SGCZ: variants seen among roughly 807,000 people sequenced by gnomAD.
SGCZ encodes sarcoglycan zeta.
Under a neutral mutation model 41.3 loss-of-function variants are expected in SGCZ, and 40 were observed. The observed-to-expected ratio is 0.97, with a 90% confidence interval of 0.75 to 1.26. SGCZ has a LOEUF of 1.26. SGCZ is among the 50% of genes most tolerant of loss of function. SGCZ has a pLI of 0.00. For missense variants in SGCZ, 552 were observed against 369.8 expected, an observed-to-expected ratio of 1.49 and a Z score of -4.04; for synonymous variants, 206 against 137.5, an observed-to-expected ratio of 1.50 and a Z score of -3.49.
At chr8:14,096,913 T>C (rs1405206052) in intron 7 of SGCZ, among the ~76,000 whole-genome samples, 1 of 152,146 alleles carries the variant, frequency 6.6e-6, no homozygotes, top group Non-Finnish European at 1.5e-5. Flanking sequence ...TATTATTCTC[T>C]AGTAGTTTGT....
At chr8:14,186,093 C>A (rs751237641) in intron 4 of SGCZ, among the ~76,000 whole-genome samples, 8 of 152,156 alleles carry the variant, frequency 5.3e-5, no homozygotes, top group Non-Finnish European at 8.8e-5. Context: ...GGCCACAGGG[C>A]TCCCCAGTAA....
chr8:14,657,298 G>A (rs1003646032), intron 1 of SGCZ, among the ~76,000 whole-genome samples: 3 of 151,984 alleles, frequency 2.0e-5, no homozygotes, highest in African/African-American at 7.3e-5. Flanking sequence ...CATGTACACT[G>A]ACAGTGAGAA....
Position 14,087,322 on chromosome 8 carries a change from T to C in SGCZ, c.*3121A>G, listed in dbSNP as rs1313886780. Among the ~76,000 whole-genome samples, 1 of 151,618 alleles carries C rather than the reference T, an allele frequency of 6.6e-6. No homozygotes were observed. Among genetic ancestry groups the C allele is most frequent in the Non-Finnish European group, 1.5e-5 (1 of 67,716 alleles). On this transcript the variant is annotated 3_prime_UTR_variant, in exon 8 of 8. Transcript: ENST00000382080. ...TTCTTGCTGTTTTTTTTTGAAGTAT[T>C]TAATTGAAATCTTCTGAAAAAGAAA...
chr8:14,331,349 T>A (rs1222917934), intron 2 of SGCZ, among the ~76,000 whole-genome samples: 1 of 152,130 alleles, frequency 6.6e-6, no homozygotes, highest in East Asian at 1.9e-4. Context: ...CTCTTTAATA[T>A]ACCTAAGCAA....
intron 1 of SGCZ, among the ~76,000 whole-genome samples, chr8:15,104,246 C>A (rs1226645140): frequency 6.6e-6 from 1 of 152,128 alleles, no homozygotes; most frequent in Admixed American, 6.5e-5. Context: ...TCCATCTAAG[C>A]TACCCAGCAG....
chr8:14,951,789 T>A (rs972073260), intron 1 of SGCZ, among the ~76,000 whole-genome samples: 1 of 152,068 alleles, frequency 6.6e-6, no homozygotes, highest in Non-Finnish European at 1.5e-5. Flanking sequence ...TGTGATCAGA[T>A]CAATGGCATA....
intron 1 of SGCZ, among the ~76,000 whole-genome samples, chr8:14,650,515 C>G (rs1372317730): frequency 6.6e-6 from 1 of 151,910 alleles, no homozygotes; most frequent in Non-Finnish European, 1.5e-5. Flanking sequence ...CCACCCCTGA[C>G]CCTAAGGTAG....
chr8:14,729,434 T>C (rs1810161204), intron 1 of SGCZ, among the ~76,000 whole-genome samples: 1 of 152,196 alleles, frequency 6.6e-6, no homozygotes, highest in South Asian at 2.1e-4. Flanking sequence ...TTTAAAGAGG[T>C]AATTAAGGTT....
chr8:14,427,070 G>T (rs979440789), intron 2 of SGCZ, among the ~76,000 whole-genome samples: 1 of 150,558 alleles, frequency 6.6e-6, no homozygotes, highest in African/African-American at 2.5e-5. Context: ...ATGAATGAGT[G>T]AATGAACGAA....
intron 2 of SGCZ, among the ~76,000 whole-genome samples, chr8:14,511,889 A>G (rs28572496): frequency 0.062 from 9,412 of 152,162 alleles, 402 homozygotes; most frequent in African/African-American, 0.12. Flanking sequence ...TACCACCAAC[A>G]TAGTCTATAG....
intron 2 of SGCZ, among the ~76,000 whole-genome samples, chr8:14,373,300 C>G (rs1202037312): frequency 6.6e-6 from 1 of 152,132 alleles, no homozygotes; most frequent in East Asian, 1.9e-4. Context: ...TTAACAGTTT[C>G]ATTTTGGACA....
At chr8:14,368,249 G>T (rs1419179851) in intron 2 of SGCZ, among the ~76,000 whole-genome samples, 1 of 151,934 alleles carries the variant, frequency 6.6e-6, no homozygotes, top group East Asian at 1.9e-4. Flanking sequence ...TTAATTGCAT[G>T]TTATAATTCA....
intron 1 of SGCZ, among the ~76,000 whole-genome samples, chr8:14,978,454 G>C (rs1270806591): frequency 9.8e-6 from 1 of 101,886 alleles, no homozygotes; most frequent in Non-Finnish European, 1.7e-5. Flanking sequence ...CTGGAGGACC[G>C]AGTGAGACAC....
intron 5 of SGCZ, among the ~76,000 whole-genome samples, chr8:14,146,890 A>AAAAAAATAATAAT (rs1182329393): frequency 1.7e-5 from 2 of 116,186 alleles, no homozygotes; most frequent in Non-Finnish European, 3.6e-5. Context: ...AAAATAAAAA[A>AAAAAAATAATAAT]AATAATAATA....
chr8:14,189,015 C>T (rs934657894), intron 4 of SGCZ, among the ~76,000 whole-genome samples: 2 of 70,486 alleles, frequency 2.8e-5, no homozygotes, highest in African/African-American at 7.5e-5. Context: ...GCCACCACGC[C>T]CAGCTTTTTT....
rs948950775 is a variant in SGCZ at position 14,088,341 on chromosome 8, C to G, written c.*2102G>C. ...ATTAGAAACAGGGCCAGTTCCTAAT[C>G]AAAAGAATTATTCCCATTTGACTTA... On this transcript the variant is annotated 3_prime_UTR_variant, in exon 8 of 8. Transcript: ENST00000382080. Among the ~76,000 whole-genome samples, 4 of 151,692 alleles carry G rather than the reference C, an allele frequency of 2.6e-5. No individual in the cohort carries two copies. The highest frequency in any genetic ancestry group is 9.7e-5 in the African/African-American group (4 of 41,362).
chr8:15,135,689 G>T (rs1303561292), intron 1 of SGCZ, among the ~76,000 whole-genome samples: 1 of 152,180 alleles, frequency 6.6e-6, no homozygotes, highest in East Asian at 1.9e-4. Context: ...TTTAGACTGT[G>T]TGTAGTACTG....
intron 5 of SGCZ, among the ~76,000 whole-genome samples, chr8:14,139,183 C>G (rs1287004319): frequency 6.6e-6 from 1 of 152,160 alleles, no homozygotes; most frequent in Non-Finnish European, 1.5e-5. Flanking sequence ...CACTGGGACA[C>G]ATTTAAAGCA....
At chr8:15,192,283 G>C (rs1025959763) in intron 1 of SGCZ, among the ~76,000 whole-genome samples, 1 of 151,974 alleles carries the variant, frequency 6.6e-6, no homozygotes, top group African/African-American at 2.4e-5. Flanking sequence ...CACAGCTTTA[G>C]CTACTTCGGA....
Sources: allele counts gnomAD v4.1 joint callset (sites outside exome capture counted in the v4.1 genomes callset), GRCh38; gene constraint gnomAD v4.1.1; transcripts MANE v1.5; gene names NCBI Gene and HGNC (gene_info 2026-07-23, HGNC 2026-07-21).